Variants in SYT16 observed in about 807,000 individuals in gnomAD.
The protein encoded by SYT16 is synaptotagmin 16.
A neutral mutation model predicts 61.4 loss-of-function variants in SYT16; 42 were observed. That is an observed-to-expected ratio of 0.68 (90% confidence interval 0.53 to 0.89). The LOEUF is 0.89. SYT16 is among the 40% of genes least tolerant of loss of function. SYT16 has a pLI of 0.00. For synonymous variants in SYT16, 314 were observed against 302.3 expected (o/e 1.04, Z -0.40); for missense variants, 804 against 807.3 (o/e 1.00, Z 0.05).
intron 1 of SYT16, among the ~76,000 whole-genome samples, chr14:61,857,695 T>C (rs2046819720): frequency 6.6e-6 from 1 of 152,028 alleles, no homozygotes; most frequent in Non-Finnish European, 1.5e-5. Flanking sequence ...TAGGAATAAC[T>C]CAGTAGAAAG....
chr14:62,100,485 C>A lies in SYT16; in HGVS notation c.1716C>A (p.Val572=), dbSNP rs1201766466. Residue 572 remains valine, a synonymous_variant, in exon 8 of 8, where the codon GTC becomes GTA. Coordinates refer to ENST00000683842, the MANE Select transcript of SYT16 (RefSeq NM_001367656.1). ...TTCGGCGTGGTCAGCCCAATCCTGT[C>A]TATAAGGAGACCTTTGTTTTCCAGG... The part of the protein sequence containing the change: ...TSIRRGQPNP[V]YKETFVFQVA... 1 of 1,613,592 alleles carries A rather than the reference C, an allele frequency of 6.2e-7. No individual in the cohort carries two copies. Among genetic ancestry groups the A allele is most frequent in the Admixed American group, 1.7e-5 (1 of 59,938 alleles).
In SYT16 at chr14:62,102,636, G is replaced by A. The variant is rs902178487; in HGVS notation, c.*1929G>A. 2 of 152,176 alleles carry A rather than the reference G, an allele frequency of 1.3e-5. No homozygotes were observed. The highest frequency in any genetic ancestry group is 4.8e-5 in the African/African-American group (2 of 41,518). 9.4% of individuals were successfully genotyped at this position (152,176 alleles called of 1,614,324 possible). On this transcript the variant is annotated 3_prime_UTR_variant, in exon 8 of 8. Transcript: ENST00000683842. ...GCTTTTCACATCTCTTACTCTTTAT[G>A]CCTTGTGTTTAAAGGGAAGTAGAAC...
At position 61,974,071 on chromosome 14, in the gene SYT16, G is replaced by A. The variant is rs1321501571; in HGVS notation, c.-145+3760G>A. Reference sequence around the variant, plus strand: ...CATGTGGGCCTGGGGGGCTGTGGTGGGGCAAATATACTGGTGGTGCCGGAG... The same window carrying A: ...CATGTGGGCCTGGGGGGCTGTGGTGAGGCAAATATACTGGTGGTGCCGGAG... On this transcript the variant is annotated intron_variant, in intron 2 of 7. Coordinates refer to ENST00000683842, the MANE Select transcript of SYT16 (RefSeq NM_001367656.1). Among the ~76,000 whole-genome samples, 4 of 152,132 alleles carry A rather than the reference G, an allele frequency of 2.6e-5. No homozygotes were observed. The East Asian group carries it at 7.7e-4, about 29-fold the overall frequency.
At chr14:61,912,315 C>G (rs1357225163) in intron 1 of SYT16, among the ~76,000 whole-genome samples, 2 of 152,166 alleles carry the variant, frequency 1.3e-5, no homozygotes, top group Non-Finnish European at 2.9e-5. Flanking sequence ...TTACTAAATT[C>G]ATTTTCATTT....
At chr14:61,877,959 GCA>G (rs1323151230) in intron 1 of SYT16, among the ~76,000 whole-genome samples, 1 of 152,086 alleles carries the variant, frequency 6.6e-6, no homozygotes, top group Non-Finnish European at 1.5e-5. Flanking sequence ...AGGCACACAG[GCA>G]CACACTGCCA....
chr14:61,816,261 C>T (rs1228636042), intron 1 of SYT16, among the ~76,000 whole-genome samples: 2 of 151,730 alleles, frequency 1.3e-5, no homozygotes, highest in Admixed American at 1.3e-4. Context: ...TCTACTCCAT[C>T]AGCAATTTCC....
chr14:62,099,432 G>A (rs1187092065), intron 7 of SYT16, among the ~76,000 whole-genome samples: 8 of 152,170 alleles, frequency 5.3e-5, no homozygotes, highest in Admixed American at 5.2e-4. Flanking sequence ...TGTGAAAAAT[G>A]AGGTCCTGAT....
intron 2 of SYT16, among the ~76,000 whole-genome samples, chr14:61,989,478 G>A (rs763867717): frequency 1.4e-4 from 21 of 152,160 alleles, no homozygotes; most frequent in Non-Finnish European, 2.6e-4. Context: ...CAGGAGAATC[G>A]CTCGAACCTG....
intron 1 of SYT16, among the ~76,000 whole-genome samples, chr14:61,946,050 G>A (rs1370943704): frequency 6.6e-6 from 1 of 151,924 alleles, no homozygotes; most frequent in Non-Finnish European, 1.5e-5. Context: ...CACACACCAG[G>A]GCCTGTCAGG....
chr14:61,866,810 T>C (rs575634401), intron 1 of SYT16, among the ~76,000 whole-genome samples: 1 of 152,108 alleles, frequency 6.6e-6, no homozygotes, highest in East Asian at 1.9e-4. Flanking sequence ...CCTTCTGTGT[T>C]CTACAGAAGA....
At chr14:61,950,921 A>T (rs758189352) in intron 1 of SYT16, among the ~76,000 whole-genome samples, 9 of 152,236 alleles carry the variant, frequency 5.9e-5, no homozygotes, top group Non-Finnish European at 1.2e-4. Flanking sequence ...AACTCTAGAG[A>T]AACTTCCCCA....
In SYT16 at chr14:61,944,514, T is replaced by C. The variant is rs192768800; in HGVS notation, c.-324-25618T>C. On this transcript the variant is annotated intron_variant, in intron 1 of 7. Coordinates refer to ENST00000683842, the MANE Select transcript of SYT16 (RefSeq NM_001367656.1). ...CAAGGCTACAGTAACCAAAACAGCA[T>C]GGTACTGGTAGCAAAACAGAGATAT... is the stretch of plus-strand genomic sequence containing the variant. 1.7e-3 allele frequency among the ~76,000 whole-genome samples: 256 copies of C among 152,286 alleles called. 1 individual carries two copies. The highest frequency in any genetic ancestry group is 5.8e-3 in the African/African-American group (239 of 41,550).
intron 1 of SYT16, among the ~76,000 whole-genome samples, chr14:61,891,248 A>G (rs925603788): frequency 3.5e-4 from 53 of 151,374 alleles, no homozygotes; most frequent in Non-Finnish European, 7.4e-4. Context: ...ACGCGCACAC[A>G]CACACACACA....
intron 1 of SYT16, among the ~76,000 whole-genome samples, chr14:61,892,243 TG>T (rs2048162836): frequency 6.6e-6 from 1 of 151,998 alleles, no homozygotes; most frequent in African/African-American, 2.4e-5. Context: ...CACACCACCC[TG>T]GCCCCTCTCT....
At chr14:61,879,340 G>A (rs1378016928) in intron 1 of SYT16, among the ~76,000 whole-genome samples, 1 of 152,190 alleles carries the variant, frequency 6.6e-6, no homozygotes, top group Non-Finnish European at 1.5e-5. Flanking sequence ...CTGTGAAGAA[G>A]TAAGGATGCC....
chr14:62,061,987 G>T (rs576659476), intron 3 of SYT16, among the ~76,000 whole-genome samples: 2 of 152,222 alleles, frequency 1.3e-5, no homozygotes, highest in East Asian at 1.9e-4. Flanking sequence ...TTGTAGAGGG[G>T]TTAGTTTGAA....
chr14:61,835,105 G>A (rs2046082057), intron 1 of SYT16, among the ~76,000 whole-genome samples: 1 of 152,186 alleles, frequency 6.6e-6, no homozygotes, highest in Non-Finnish European at 1.5e-5. Flanking sequence ...GAAGAAGGCA[G>A]TGTGTGCTGA....
intron 2 of SYT16, among the ~76,000 whole-genome samples, chr14:61,985,692 A>C (rs1240433593): frequency 6.6e-6 from 1 of 152,186 alleles, no homozygotes; most frequent in Non-Finnish European, 1.5e-5. Context: ...AATAGTTTAA[A>C]ATTTATAAAA....
At chr14:61,856,452 G>A (rs1389511148) in intron 1 of SYT16, among the ~76,000 whole-genome samples, 1 of 152,124 alleles carries the variant, frequency 6.6e-6, no homozygotes, top group Admixed American at 6.5e-5. Context: ...ACTATTTTGA[G>A]GATAGAACAG....
Sources: allele counts gnomAD v4.1 joint callset (sites outside exome capture counted in the v4.1 genomes callset), GRCh38; gene constraint gnomAD v4.1.1; transcripts MANE v1.5; gene names NCBI Gene and HGNC (gene_info 2026-07-23, HGNC 2026-07-21).